Variants in RHOBTB1 observed in about 807,000 individuals in gnomAD.
The protein encoded by RHOBTB1 is rho-related BTB domain-containing protein 1.
A neutral mutation model predicts 71.6 loss-of-function variants in RHOBTB1; 40 were observed. The observed-to-expected ratio is 0.56, with a 90% CI of 0.43 to 0.73. The LOEUF is 0.73. Among genes scored for constraint, RHOBTB1 ranks in the 30% least tolerant of loss-of-function variants. The pLI is 0.00. For missense variants in RHOBTB1, 797 were observed against 894.0 expected (o/e 0.89, Z 1.38); for synonymous variants, 319 against 334.9 (o/e 0.95, Z 0.52).
downstream of RHOBTB1, among the ~76,000 whole-genome samples, chr10:60,866,446 A>T (rs1418854601): frequency 6.6e-6 from 1 of 152,242 alleles, no homozygotes; most frequent in Non-Finnish European, 1.5e-5. Flanking sequence ...AAAGACATAC[A>T]TTGAACAGAA....
the RHOBTB1 span, among the ~76,000 whole-genome samples, chr10:60,864,349 G>A: frequency 6.6e-6 from 1 of 152,152 alleles, no homozygotes; most frequent in Admixed American, 6.5e-5. Flanking sequence ...TTATTATGAT[G>A]AGTCTCACAT....
intron 1 of RHOBTB1, among the ~76,000 whole-genome samples, 174 bp downstream of exon 1, chr10:60,943,792 AGAGGC>A (rs1358768276): frequency 1.5e-4 from 22 of 151,582 alleles, no homozygotes; most frequent in Non-Finnish European, 2.8e-4. Flanking sequence ...GGCCTCTCAG[AGAGGC>A]GAGGGAGGCC....
intron 2 of RHOBTB1, among the ~76,000 whole-genome samples, chr10:60,934,328 CT>C (rs1283301720): frequency 6.6e-6 from 1 of 152,178 alleles, no homozygotes; most frequent in Non-Finnish European, 1.5e-5. Context: ...CTTGGAGTTC[CT>C]GGTTATTCAG....
At chr10:60,969,750 A>T (rs1037795720) in intron 2 of RHOBTB1, among the ~76,000 whole-genome samples, 9 of 152,182 alleles carry the variant, frequency 5.9e-5, no homozygotes, top group African/African-American at 1.9e-4. Flanking sequence ...GAGAGTCTTC[A>T]GTTCTAGAGT....
intron 4 of RHOBTB1, among the ~76,000 whole-genome samples, chr10:60,897,698 C>CATACAT (rs1554835285): frequency 1.3e-5 from 2 of 152,066 alleles, no homozygotes; most frequent in Non-Finnish European, 2.9e-5. Flanking sequence ...CTAACAATTA[C>CATACAT]ATACATATAC....
intron 1 of RHOBTB1, among the ~76,000 whole-genome samples, chr10:60,990,322 C>A (rs920737944): frequency 1.3e-5 from 2 of 152,100 alleles, no homozygotes; most frequent in Non-Finnish European, 2.9e-5. Context: ...ATCCTAGTTT[C>A]TCTCTCTTTC....
intron 2 of RHOBTB1, among the ~76,000 whole-genome samples, chr10:60,966,823 G>A (rs2085978305): frequency 1.3e-5 from 2 of 150,990 alleles, no homozygotes. Flanking sequence ...ATCTCCTAAT[G>A]CTATCCCTCC....
downstream of RHOBTB1, among the ~76,000 whole-genome samples, chr10:60,865,519 T>C (rs2080632651): frequency 6.6e-6 from 1 of 152,180 alleles, no homozygotes; most frequent in South Asian, 2.1e-4. Context: ...GCCTCTTGCC[T>C]TTCACGAGGG....
Position 60,888,695 on chromosome 10 carries a change from A to G in RHOBTB1, c.973T>C (p.Leu325=), listed in dbSNP as rs202042890. 14 of 1,614,160 alleles carry G rather than the reference A, an allele frequency of 8.7e-6. No homozygotes were observed. In the East Asian group the frequency reaches 1.1e-4, roughly 13 times the overall value. The change falls in exon 6 of 11, where the codon TTG becomes CTG. Residue 325 remains leucine, a synonymous_variant. Coordinates refer to ENST00000337910, the MANE Select transcript of RHOBTB1 (RefSeq NM_014836.5). ...KQSRDFQGRI[L]SVDPEEEREE... ...CTTTCTTCCTCTGGGTCGACACTCAATATCCGCCCCTGGAAATCTCTGCTC... is the reference window on the plus strand; with the variant it reads ...CTTTCTTCCTCTGGGTCGACACTCAGTATCCGCCCCTGGAAATCTCTGCTC...
At chr10:60,880,259 G>A (rs930944099) in intron 7 of RHOBTB1, among the ~76,000 whole-genome samples, 5 of 150,936 alleles carry the variant, frequency 3.3e-5, no homozygotes, top group Admixed American at 2.0e-4. Context: ...GAGAGAGTGA[G>A]AGACAGAGAG....
chr10:60,882,624 G>A (rs1589170516), intron 7 of RHOBTB1, among the ~76,000 whole-genome samples: 1 of 151,990 alleles, frequency 6.6e-6, no homozygotes, highest in Admixed American at 6.6e-5. Context: ...TGTGGGGGGT[G>A]GGAGGGTGGC....
At chr10:60,871,776 G>A in intron 10 of RHOBTB1, 125 bp from the exon 11 acceptor site, 1 of 856,434 alleles carries the variant, frequency 1.2e-6, no homozygotes, top group Non-Finnish European at 1.8e-6. Context: ...ACTGTGATTA[G>A]GGCCATTTGC....
At chr10:60,910,359 T>C (rs1264448274) in intron 4 of RHOBTB1, among the ~76,000 whole-genome samples, 1 of 152,226 alleles carries the variant, frequency 6.6e-6, no homozygotes, top group Non-Finnish European at 1.5e-5. Flanking sequence ...TCTGTTCATT[T>C]TGGAAATATG....
At chr10:60,879,412 T>C (rs2081203236) in intron 7 of RHOBTB1, among the ~76,000 whole-genome samples, 2 of 152,168 alleles carry the variant, frequency 1.3e-5, no homozygotes, top group Non-Finnish European at 2.9e-5. Context: ...AGTGGCTTGA[T>C]GATAGCTTAG....
At chr10:60,893,276 C>T (rs939759227) in intron 4 of RHOBTB1, among the ~76,000 whole-genome samples, 2 of 152,100 alleles carry the variant, frequency 1.3e-5, no homozygotes, top group African/African-American at 4.8e-5. Context: ...AGATGATTAC[C>T]CAAACTTGTC....
chr10:60,928,522 A>G (rs561282109), intron 2 of RHOBTB1, among the ~76,000 whole-genome samples: 2 of 151,850 alleles, frequency 1.3e-5, no homozygotes, highest in East Asian at 3.9e-4. Context: ...ACCAGGCACT[A>G]AAAGACAAAT....
intron 2 of RHOBTB1, among the ~76,000 whole-genome samples, chr10:60,933,722 C>G (rs1479944518): frequency 6.6e-6 from 1 of 151,740 alleles, no homozygotes; most frequent in African/African-American, 2.4e-5. Flanking sequence ...AAGGAATGTT[C>G]ATCATCATAT....
the RHOBTB1 span, among the ~76,000 whole-genome samples, chr10:60,861,629 A>G: frequency 6.6e-6 from 1 of 151,034 alleles, no homozygotes; most frequent in African/African-American, 2.5e-5. Flanking sequence ...CTCCTTTGGA[A>G]CATGCCTAGT....
intron 2 of RHOBTB1, among the ~76,000 whole-genome samples, chr10:60,977,444 C>G (rs2086353126): frequency 1.3e-5 from 2 of 151,674 alleles, no homozygotes; most frequent in Admixed American, 1.3e-4. Flanking sequence ...ATAAAGAAAA[C>G]AAAAGGAAGA....
Sources: allele counts gnomAD v4.1 joint callset (sites outside exome capture counted in the v4.1 genomes callset), GRCh38; gene constraint gnomAD v4.1.1; transcripts MANE v1.5; gene names NCBI Gene and HGNC (gene_info 2026-07-23, HGNC 2026-07-21).